MFSD11: variants seen among roughly 807,000 people sequenced by gnomAD.
The protein encoded by MFSD11 is UNC93-like protein MFSD11.
A neutral mutation model predicts 53.5 loss-of-function variants in MFSD11; 36 were observed. That is an observed-to-expected ratio of 0.67 (90% CI 0.52 to 0.89). The LOEUF (loss-of-function observed/expected upper bound fraction) is 0.89. Ranked by LOEUF, MFSD11 falls within the 40% of genes least tolerant of loss-of-function variation. The probability of loss-of-function intolerance (pLI) is 0.00; values close to 1 mark genes in which losing one functional copy is unlikely to be tolerated. For synonymous variants in MFSD11, 186 were observed against 184.9 expected, an observed-to-expected ratio of 1.01 and a Z score of -0.05; for missense variants, 530 against 543.9, an observed-to-expected ratio of 0.97 and a Z score of 0.25.
intron 8 of MFSD11, among the ~76,000 whole-genome samples, chr17:76,762,090 C>T (rs931621951): frequency 6.6e-6 from 1 of 152,122 alleles, no homozygotes; most frequent in Non-Finnish European, 1.5e-5. Flanking sequence ...ATTCCAGCCT[C>T]CTAATGCAAC....
the MFSD11 span, among the ~76,000 whole-genome samples, chr17:76,790,996 T>C: frequency 2.0e-5 from 3 of 148,506 alleles, 1 homozygote; most frequent in South Asian, 2.2e-4. Context: ...TGTGTGTTTT[T>C]TGGTCCTTGA....
At position 76,776,932 on chromosome 17, in the gene MFSD11, C is replaced by T. The variant is rs1250263701; in HGVS notation, c.1185+391C>T. ...CTCCCAAAGTGCTGGGGATTATATG[C>T]GTGAGCCACCGCACCTGGTCTATTT... On this transcript the variant is annotated intron_variant, in intron 12 of 12. Coordinates refer to ENST00000685175, the MANE Select transcript of MFSD11 (RefSeq NM_001242532.5). The surrounding 1 kb of genome is among the most constrained non-coding windows in gnomAD (Gnocchi z 4.2). Among the ~76,000 whole-genome samples the T allele has an allele frequency of 6.6e-6, 1 of 150,932 alleles. No homozygotes were observed. Among genetic ancestry groups the T allele is most frequent in the African/African-American group, 2.4e-5 (1 of 41,078 alleles).
intron 12 of MFSD11, among the ~76,000 whole-genome samples, chr17:76,777,215 C>T (rs1043897477): frequency 1.1e-4 from 17 of 151,710 alleles, no homozygotes; most frequent in African/African-American, 4.1e-4. Context: ...TTGCGGTGAG[C>T]CCAGACCGCG....
chr17:76,755,499 T>C (rs1027896633), intron 8 of MFSD11, among the ~76,000 whole-genome samples: 19 of 151,980 alleles, frequency 1.3e-4, no homozygotes, highest in Non-Finnish European at 2.6e-4. Context: ...TGAGTACTTA[T>C]GATTAGTTTC....
chr17:76,791,687 T>A, the MFSD11 span, among the ~76,000 whole-genome samples: 1 of 148,652 alleles, frequency 6.7e-6, no homozygotes, highest in Non-Finnish European at 1.5e-5. Context: ...CTGCAGGAAA[T>A]GATTTGTTTG....
At chr17:76,750,451 G>A (rs370785969) in intron 7 of MFSD11, among the ~76,000 whole-genome samples, 2 of 142,852 alleles carry the variant, frequency 1.4e-5, no homozygotes, top group African/African-American at 2.7e-5. Context: ...TCCGCCTCCC[G>A]GGTGCACGCC....
At chr17:76,766,713 G>A (rs2080887553) in intron 8 of MFSD11, among the ~76,000 whole-genome samples, 3 of 152,148 alleles carry the variant, frequency 2.0e-5, no homozygotes, top group Admixed American at 2.0e-4. Flanking sequence ...ATTAAAATCT[G>A]GATCCACTGT....
chr17:76,780,192 A>G (rs1322781243), downstream of MFSD11, among the ~76,000 whole-genome samples: 1 of 152,232 alleles, frequency 6.6e-6, no homozygotes, highest in African/African-American at 2.4e-5. Flanking sequence ...AGGACATTTT[A>G]TCACCCCAAA....
upstream of MFSD11, chr17:76,736,699 C>A: frequency 7.6e-7 from 1 of 1,312,834 alleles, no homozygotes; most frequent in Non-Finnish European, 9.8e-7. Context: ...CCCGCCCCGT[C>A]CGGGCCCGCA....
At chr17:76,781,879 T>A (rs1348002865), downstream of MFSD11, among the ~76,000 whole-genome samples, 4 of 152,156 alleles carry the variant, frequency 2.6e-5, no homozygotes, top group Non-Finnish European at 4.4e-5. Flanking sequence ...TGGATCACAG[T>A]GGCACAGTCA....
intron 9 of MFSD11, among the ~76,000 whole-genome samples, chr17:76,768,793 T>A (rs190335634): frequency 1.4e-3 from 214 of 152,120 alleles, no homozygotes; most frequent in African/African-American, 5.1e-3. Flanking sequence ...GAGACCAGCC[T>A]GGCCAAAATG....
At chr17:76,751,614 C>T (rs1426566250) in intron 7 of MFSD11, among the ~76,000 whole-genome samples, 2 of 150,628 alleles carry the variant, frequency 1.3e-5, no homozygotes, top group African/African-American at 4.9e-5. Context: ...GCAGGAGGAT[C>T]ACTTGAGCCC....
At chr17:76,741,632 A>G (rs942144211) in intron 3 of MFSD11, among the ~76,000 whole-genome samples, 6 of 152,188 alleles carry the variant, frequency 3.9e-5, no homozygotes, top group South Asian at 4.2e-4. Context: ...CCAAAAATAA[A>G]AAAAAATTAG....
At chr17:76,789,469 C>T in the MFSD11 span, among the ~76,000 whole-genome samples, 1 of 150,112 alleles carries the variant, frequency 6.7e-6, no homozygotes, top group African/African-American at 2.4e-5. Flanking sequence ...ACCAGTTAAA[C>T]TCCCATTTTG....
At chr17:76,779,959 C>T (rs2082117127), downstream of MFSD11, among the ~76,000 whole-genome samples, 1 of 152,166 alleles carries the variant, frequency 6.6e-6, no homozygotes, top group African/African-American at 2.4e-5. Flanking sequence ...AGTGTCACAC[C>T]GTCATTTATG....
intron 8 of MFSD11, 48 bp downstream of exon 8, chr17:76,754,135 C>G: frequency 1.0e-6 from 1 of 1,003,570 alleles, no homozygotes; most frequent in Non-Finnish European, 1.5e-6. Context: ...AGGAACAACT[C>G]GGCATTTGCC....
At chr17:76,766,345 A>G (rs1160057668) in intron 8 of MFSD11, among the ~76,000 whole-genome samples, 1 of 149,516 alleles carries the variant, frequency 6.7e-6, no homozygotes, top group East Asian at 2.0e-4. Context: ...CTTGAACCCT[A>G]GAGGGGGAGG....
the MFSD11 span, among the ~76,000 whole-genome samples, chr17:76,789,002 C>T: frequency 1.3e-5 from 2 of 149,510 alleles, no homozygotes; most frequent in Non-Finnish European, 3.0e-5. Context: ...ATTAGCTGGG[C>T]ATAGTAATGC....
upstream of MFSD11, chr17:76,738,019 G>A: frequency 2.9e-6 from 1 of 349,346 alleles, no homozygotes. Flanking sequence ...CTGGGAGGGC[G>A]GGGCCGCGCC....
Sources: allele counts gnomAD v4.1 joint callset (sites outside exome capture counted in the v4.1 genomes callset), GRCh38; gene constraint gnomAD v4.1.1; non-coding constraint Gnocchi (gnomAD v3.1); transcripts MANE v1.5; gene names NCBI Gene and HGNC (gene_info 2026-07-23, HGNC 2026-07-21).